SFXN4: variants seen among roughly 807,000 people sequenced by gnomAD.
SFXN4 encodes the protein sideroflexin-4.
A neutral mutation model predicts 54.6 loss-of-function variants in SFXN4; 48 were observed. The observed-to-expected ratio is 0.88, with a 90% CI of 0.70 to 1.12. The LOEUF (loss-of-function observed/expected upper bound fraction) is 1.12, where lower values mean the gene tolerates loss of function less well. SFXN4 is among the 50% of genes most tolerant of loss of function. The pLI, the probability that SFXN4 is intolerant of heterozygous loss-of-function variation, is 0.00. For missense variants in SFXN4, 383 were observed against 409.2 expected (o/e 0.94, Z 0.55); for synonymous variants, 130 against 145.5 (o/e 0.89, Z 0.77).
Position 119,156,717 on chromosome 10 carries a change from C to T in SFXN4, c.577G>A (p.Gly193Ser), listed in dbSNP as rs767858006. 6.2e-7 allele frequency: 1 copy of T among 1,611,658 alleles called. No homozygotes were observed. Among genetic ancestry groups the T allele is most frequent in the Admixed American group, 1.7e-5 (1 of 59,660 alleles). ...GGTAAGAGTCTTTTAATCCAAGGGC[C>T]AGTCAGGCCATACTTCATCTGGACA... ...QFVQMKYGLTGPWIKRLLPVI... is the reference protein window; with the variant it reads ...QFVQMKYGLTSPWIKRLLPVI... The change falls in exon 10 of 14, where the codon GGC (glycine) becomes AGC (serine). Residue 193 changes from glycine to serine, a missense_variant. Transcript: ENST00000355697.
At chr10:119,161,722 G>A (rs991361804) in intron 3 of SFXN4, among the ~76,000 whole-genome samples, 3 of 152,154 alleles carry the variant, frequency 2.0e-5, no homozygotes, top group South Asian at 2.1e-4. Context: ...ATGAGTCCCC[G>A]AATCCGGCTT....
chr10:119,148,713 A>C (rs1846926210), intron 11 of SFXN4, among the ~76,000 whole-genome samples: 1 of 152,192 alleles, frequency 6.6e-6, no homozygotes, highest in Admixed American at 6.5e-5. Flanking sequence ...AGGTTATAAC[A>C]TTTTTGTAAT....
rs566453651 is a variant in SFXN4, at chr10:119,142,316, A to G, written c.937-997T>C. ...TCTCATTTCATCAAGCACCTCCCAC[A>G]CCCAGCAGTAGGATTTTTTTCCTTG... On this transcript the variant is annotated intron_variant, in intron 13 of 13. Transcript: ENST00000355697. Among the ~76,000 whole-genome samples, 11 of 152,144 alleles carry G rather than the reference A, an allele frequency of 7.2e-5. No individual in the cohort carries two copies. In the South Asian group the frequency reaches 2.3e-3, roughly 32 times the overall value.
chr10:119,163,772 T>C (rs1240180817), intron 2 of SFXN4, among the ~76,000 whole-genome samples: 4 of 151,956 alleles, frequency 2.6e-5, no homozygotes, highest in Admixed American at 1.3e-4. Flanking sequence ...CAATAATATA[T>C]GTAGATTCTG....
At chr10:119,146,444 TGTGTGTGTGTGTGTGTGCAC>T (rs1392300331) in intron 12 of SFXN4, 91 bp from the exon 13 acceptor site, 6 of 578,620 alleles carry the variant, frequency 1.0e-5, no homozygotes, top group East Asian at 9.1e-5. Flanking sequence ...TGTGTGTGTG[TGTGTGTGTGTGTGTGTGCAC>T]GTGTGTGTGT....
intron 3 of SFXN4, 82 bp downstream of exon 3, chr10:119,162,258 T>A: frequency 9.0e-7 from 1 of 1,106,596 alleles, no homozygotes. Context: ...CAGAGATTAA[T>A]GGCCAAATTC....
In SFXN4 at chr10:119,165,705, G is replaced by T. The variant is rs1225693363; in HGVS notation, c.-58C>A. Reference sequence around the variant, plus strand: ...GCCGCGCGTGGAGGAGGAGCCGGGCGGCGAGCCCCGCCCCGGGCCGCGCGC... The same window carrying T: ...GCCGCGCGTGGAGGAGGAGCCGGGCTGCGAGCCCCGCCCCGGGCCGCGCGC... On this transcript the variant is annotated 5_prime_UTR_variant, in exon 1 of 14. Coordinates refer to ENST00000355697, the MANE Select transcript of SFXN4 (RefSeq NM_213649.2). 3.7e-6 allele frequency: 5 copies of T among 1,335,726 alleles called. No homozygotes were observed. The highest frequency in any genetic ancestry group is 4.9e-6 in the Non-Finnish European group (5 of 1,022,638). 82.7% of individuals were successfully genotyped at this position (1,335,726 alleles called of 1,614,324 possible). A position where few individuals can be genotyped will look rare whatever the true frequency, so the allele number is the denominator to read the frequency against.
chr10:119,158,502 G>C (rs932378998), intron 6 of SFXN4, among the ~76,000 whole-genome samples: 15 of 151,024 alleles, frequency 9.9e-5, no homozygotes, highest in African/African-American at 3.6e-4. Context: ...TGTAATCCCA[G>C]CTACTCGGGA....
intron 11 of SFXN4, among the ~76,000 whole-genome samples, chr10:119,151,370 A>G (rs1206055339): frequency 1.5e-5 from 2 of 137,134 alleles, no homozygotes; most frequent in African/African-American, 2.7e-5. Context: ...CTCTGACTCA[A>G]AACAAACAAA....
intron 2 of SFXN4, 30 bp from the exon 3 acceptor site, chr10:119,162,444 T>C: frequency 6.4e-7 from 1 of 1,564,042 alleles, no homozygotes. Flanking sequence ...AATCAAGTAA[T>C]GATCTCAACA....
intron 10 of SFXN4, among the ~76,000 whole-genome samples, chr10:119,156,402 C>A (rs1847280855): frequency 6.6e-6 from 1 of 152,216 alleles, no homozygotes; most frequent in Non-Finnish European, 1.5e-5. Flanking sequence ...GCACTCCAGC[C>A]TGGGTGACAG....
chr10:119,150,773 C>T (rs899248350), intron 11 of SFXN4, among the ~76,000 whole-genome samples: 1 of 152,178 alleles, frequency 6.6e-6, no homozygotes, highest in Admixed American at 6.5e-5. Flanking sequence ...CTTAAGTTCA[C>T]ATGGAGTTGT....
intron 3 of SFXN4, among the ~76,000 whole-genome samples, chr10:119,161,437 C>CAAAAAAAAAAAAAAAAAACCAA (rs1554888747): frequency 9.4e-4 from 112 of 119,662 alleles, no homozygotes; most frequent in Non-Finnish European, 1.4e-3. Flanking sequence ...CAAAAAAAAA[C>CAAAAAAAAAAAAAAAAAACCAA]AAAAAAAAAA....
At chr10:119,149,415 C>T (rs1048334551) in intron 11 of SFXN4, among the ~76,000 whole-genome samples, 4 of 152,124 alleles carry the variant, frequency 2.6e-5, no homozygotes, top group Non-Finnish European at 5.9e-5. Context: ...TGCCTTTCCC[C>T]CCCACAAAAG....
rs771710648 is a variant in SFXN4 at position 119,159,793 on chromosome 10, T to A, written c.335-40A>T. 4 of 1,613,304 alleles carry A rather than the reference T, an allele frequency of 2.5e-6. No homozygotes were observed. The South Asian group carries it at 3.3e-5, about 13-fold the overall frequency. On this transcript the variant is annotated intron_variant, in intron 5 of 13. Coordinates refer to ENST00000355697, the MANE Select transcript of SFXN4 (RefSeq NM_213649.2). Reference sequence around the variant, plus strand: ...AGAGAGGAGGTGTCAGTGATCACAGTTGCCCAGGCAGAGGGGGCCAGAAGG... The same window carrying A: ...AGAGAGGAGGTGTCAGTGATCACAGATGCCCAGGCAGAGGGGGCCAGAAGG...
chr10:119,158,692 T>C (rs1847380411), intron 6 of SFXN4, among the ~76,000 whole-genome samples: 2 of 148,020 alleles, frequency 1.4e-5, no homozygotes, highest in African/African-American at 2.5e-5. Context: ...TGTGGACAAG[T>C]ACCTCCTAGG....
intron 10 of SFXN4, 46 bp from the exon 11 acceptor site, chr10:119,155,223 T>G: frequency 7.5e-7 from 1 of 1,334,390 alleles, no homozygotes; most frequent in Non-Finnish European, 1.1e-6. Flanking sequence ...GGGGTGAGTC[T>G]TGTTCCAGCA....
rs148396700 is a variant in SFXN4, at chr10:119,155,216, G to T, written c.617-39C>A. 5.0e-6 allele frequency: 7 copies of T among 1,392,386 alleles called. No homozygotes were observed. The African/African-American group carries it at 8.5e-5, about 17-fold the overall frequency. 86.3% of individuals were successfully genotyped at this position (1,392,386 alleles called of 1,614,324 possible). On this transcript the variant is annotated intron_variant, in intron 10 of 13. Transcript: ENST00000355697. The stretch of plus-strand genomic sequence containing the variant: ...GAAGTAAAGAACACCCAAGACGGGG[G>T]TGAGTCTTGTTCCAGCAAAGGAACA...
chr10:119,163,397 T>C (rs1306982250), intron 2 of SFXN4, among the ~76,000 whole-genome samples: 1 of 151,994 alleles, frequency 6.6e-6, no homozygotes, highest in Non-Finnish European at 1.5e-5. Flanking sequence ...GCTTTTCTTT[T>C]CTTTTTTTGC....
Sources: allele counts gnomAD v4.1 joint callset (sites outside exome capture counted in the v4.1 genomes callset), GRCh38; gene constraint gnomAD v4.1.1; transcripts MANE v1.5; gene names NCBI Gene and HGNC (gene_info 2026-07-23, HGNC 2026-07-21).